The following CD59 variants were observed in gnomAD, a reference collection of about 807,000 sequenced individuals.
The protein encoded by CD59 is CD59 glycoprotein.
CD59 carries 3 observed loss-of-function variants against 7.0 expected under a neutral mutation model. The observed-to-expected ratio is 0.43, with a 90% CI of 0.19 to 1.10. The LOEUF (loss-of-function observed/expected upper bound fraction) is 1.10, where lower values mean the gene tolerates loss of function less well. Ranked by LOEUF, CD59 falls within the 50% of genes least tolerant of loss-of-function variation. CD59 has a pLI of 0.29. For synonymous variants in CD59, 60 were observed against 62.0 expected (o/e 0.97, Z 0.15); for missense variants, 143 against 151.0 (o/e 0.95, Z 0.28).
intron 1 of CD59, among the ~76,000 whole-genome samples, chr11:33,727,914 T>C (rs1854304822): frequency 6.6e-6 from 1 of 152,098 alleles, no homozygotes; most frequent in Non-Finnish European, 1.5e-5. Flanking sequence ...TGAACTCCCA[T>C]TCACAATTGC....
At chr11:33,726,744 T>G (rs1380096863) in intron 1 of CD59, among the ~76,000 whole-genome samples, 1 of 152,098 alleles carries the variant, frequency 6.6e-6, no homozygotes, top group Non-Finnish European at 1.5e-5. Flanking sequence ...CAGGAGCTGG[T>G]TTTTTGAAAA....
chr11:33,722,919 G>A (rs527482591), intron 1 of CD59: 52 of 1,079,768 alleles, frequency 4.8e-5, no homozygotes, highest in Non-Finnish European at 5.7e-5. Flanking sequence ...TAGCATACCT[G>A]GAAGCTCTGG....
At chr11:33,720,007 T>C (rs1853982591) in intron 2 of CD59, among the ~76,000 whole-genome samples, 3 of 152,244 alleles carry the variant, frequency 2.0e-5, no homozygotes, top group Admixed American at 1.3e-4. Context: ...CCTGTAGACA[T>C]GGATTTTTGT....
Position 33,722,374 on chromosome 11 carries a change from C to T in CD59, c.67+5G>A. The T allele has an allele frequency of 6.2e-7, 1 of 1,607,158 alleles. No individual in the cohort carries two copies. Among genetic ancestry groups the T allele is most frequent in the East Asian group, 2.2e-5 (1 of 44,844 alleles). On this transcript the variant is annotated splice_donor_5th_base_variant and intron_variant, in intron 2 of 3. Transcript: ENST00000642928. ...AGATCCATGTCCTGAGACTGGAGCA[C>T]TCACCTGAATGGCAGAAGACAGCCA...
At chr11:33,714,128 C>T (rs1853680729) in intron 3 of CD59, among the ~76,000 whole-genome samples, 1 of 152,226 alleles carries the variant, frequency 6.6e-6, no homozygotes, top group South Asian at 2.1e-4. Context: ...AGCAGCCAAC[C>T]TGTCTCTCTT....
chr11:33,724,550 T>C (rs1160824165), intron 1 of CD59, among the ~76,000 whole-genome samples: 1 of 152,180 alleles, frequency 6.6e-6, no homozygotes, highest in Non-Finnish European at 1.5e-5. Context: ...CAAAAAGCTG[T>C]GGCCACTGTT....
chr11:33,712,080 C>T (rs747699537), intron 3 of CD59, among the ~76,000 whole-genome samples: 4 of 152,204 alleles, frequency 2.6e-5, no homozygotes, highest in African/African-American at 9.7e-5. Context: ...GAAGAATACA[C>T]TTCGTTTATG....
intron 3 of CD59, among the ~76,000 whole-genome samples, chr11:33,713,236 A>G (rs535016416): frequency 7.2e-5 from 11 of 152,322 alleles, no homozygotes; most frequent in African/African-American, 2.6e-4. Context: ...TTCTTCTCCA[A>G]AAATAACTGA....
At chr11:33,715,554 T>G (rs1427506959) in intron 3 of CD59, among the ~76,000 whole-genome samples, 1 of 152,030 alleles carries the variant, frequency 6.6e-6, no homozygotes, top group Non-Finnish European at 1.5e-5. Flanking sequence ...GAGCCAAGAT[T>G]GCACCACTGC....
At chr11:33,713,368 A>G (rs1853649150) in intron 3 of CD59, among the ~76,000 whole-genome samples, 1 of 152,220 alleles carries the variant, frequency 6.6e-6, no homozygotes, top group African/African-American at 2.4e-5. Context: ...TCAGGCTTGT[A>G]GCTAATTTAC....
At position 33,717,436 on chromosome 11, in the gene CD59, T is replaced by C; in HGVS notation, c.103A>G (p.Thr35Ala). ...SLQCYNCPNP[T>A]ADCKTAVNCS... ...TTGACGGCTGTTTTGCAGTCAGCAG[T>C]TGGGTTAGGACAGTTGTAGCACTGC... Residue 35 changes from threonine to alanine, a missense_variant, in exon 3 of 4, where the codon ACT (threonine) becomes GCT (alanine). By Grantham distance (58) the Thr-to-Ala change is moderately conservative (BLOSUM62 0). Transcript: ENST00000642928. 1 of 1,613,340 alleles carries C rather than the reference T, an allele frequency of 6.2e-7. No individual in the cohort carries two copies. The highest frequency in any genetic ancestry group is 1.1e-5 in the South Asian group (1 of 91,044).
rs539277783 is a variant in CD59, at chr11:33,734,534, T to C, written c.-19+1848A>G. Among the ~76,000 whole-genome samples the C allele has an allele frequency of 3.9e-5, 6 of 152,150 alleles. No homozygotes were observed. The South Asian group carries it at 8.3e-4, about 21-fold the overall frequency. ...CCCTCCCTGTGTCCAAGTGTTCTCA[T>C]TGGTCAGCTCCCACTTATTAGGCCA... On this transcript the variant is annotated intron_variant, in intron 1 of 3. Transcript: ENST00000642928.
intron 1 of CD59, among the ~76,000 whole-genome samples, chr11:33,732,290 G>A (rs1170796344): frequency 6.6e-6 from 1 of 152,162 alleles, no homozygotes; most frequent in African/African-American, 2.4e-5. Flanking sequence ...TGGATTATGG[G>A]GTGGTTTCTA....
intron 1 of CD59, among the ~76,000 whole-genome samples, chr11:33,729,943 A>AT (rs1172337689): frequency 6.6e-6 from 1 of 151,816 alleles, no homozygotes; most frequent in African/African-American, 2.4e-5. Context: ...TTTATATGCA[A>AT]TTTTTTTTCT....
At chr11:33,721,248 G>C (rs1244959790) in intron 2 of CD59, among the ~76,000 whole-genome samples, 2 of 152,202 alleles carry the variant, frequency 1.3e-5, no homozygotes, top group African/African-American at 4.8e-5. Flanking sequence ...CTCAGAAAGG[G>C]AGAACATATT....
chr11:33,715,427 C>T (rs1377941264), intron 3 of CD59, among the ~76,000 whole-genome samples: 1 of 151,972 alleles, frequency 6.6e-6, no homozygotes, highest in Non-Finnish European at 1.5e-5. Flanking sequence ...TAGTGAAACC[C>T]CGTCTCTACT....
chr11:33,722,646 G>A, intron 1 of CD59, 183 bp from the exon 2 acceptor site: 1 of 1,449,966 alleles, frequency 6.9e-7, no homozygotes, highest in Non-Finnish European at 9.1e-7. Flanking sequence ...CCTTGAGTAG[G>A]CTCAGTCCCT....
At chr11:33,715,504 G>A (rs895847374) in intron 3 of CD59, among the ~76,000 whole-genome samples, 1 of 152,150 alleles carries the variant, frequency 6.6e-6, no homozygotes, top group Admixed American at 6.5e-5. Context: ...GGAGGCTGAG[G>A]CATGAGAATC....
At chr11:33,724,727 A>G (rs551525957) in intron 1 of CD59, among the ~76,000 whole-genome samples, 3 of 152,282 alleles carry the variant, frequency 2.0e-5, no homozygotes, top group East Asian at 1.9e-4. Context: ...AAACCTAAGG[A>G]AGCCCTCAGT....
Sources: allele counts gnomAD v4.1 joint callset (sites outside exome capture counted in the v4.1 genomes callset), GRCh38; gene constraint gnomAD v4.1.1; transcripts MANE v1.5; gene names NCBI Gene and HGNC (gene_info 2026-07-23, HGNC 2026-07-21).